ADAM7: variants seen among roughly 807,000 people sequenced by gnomAD.
ADAM7 encodes the protein ADAM metallopeptidase domain 7.
ADAM7 carries 97 observed loss-of-function variants against 102.9 expected under a neutral mutation model. The ratio of observed to expected loss-of-function variants is 0.94; its 90% CI spans 0.80 to 1.12. ADAM7 has a LOEUF of 1.12. ADAM7 is among the 50% of genes most tolerant of loss of function. ADAM7 has a pLI of 0.00. For missense variants in ADAM7, 991 were observed against 908.7 expected (o/e 1.09, Z -1.16); for synonymous variants, 334 against 304.4 (o/e 1.10, Z -1.01).
At chr8:24,504,747 C>G (rs184688952) in intron 20 of ADAM7, among the ~76,000 whole-genome samples, 5 of 151,868 alleles carry the variant, frequency 3.3e-5, no homozygotes, top group Admixed American at 6.6e-5. Flanking sequence ...CACAATATTG[C>G]AGAGCATACC....
intron 3 of ADAM7, among the ~76,000 whole-genome samples, chr8:24,451,140 G>C (rs1202408165): frequency 4.0e-5 from 6 of 151,778 alleles, no homozygotes; most frequent in Middle Eastern, 3.4e-3. Flanking sequence ...GCCAGGCTTT[G>C]GTATCAGAAT....
In ADAM7 at chr8:24,508,991, GTT is replaced by G; in HGVS notation, c.*447_*448del. ...CATGACATCATTAGCACTAATTCTG[GTT>G]TAAATGAAAGTCCTGCAGAAATGCC... On this transcript the variant is annotated 3_prime_UTR_variant, in exon 22 of 22. Coordinates refer to ENST00000175238, the MANE Select transcript of ADAM7 (RefSeq NM_003817.4). The G allele has an allele frequency of 1.0e-6, 1 of 994,478 alleles. No homozygotes were observed. Among genetic ancestry groups the G allele is most frequent in the Admixed American group, 5.9e-5 (1 of 16,994 alleles). The allele number at this position is 994,478 out of a possible 1,614,324, so 61.6% of individuals were successfully genotyped here.
chr8:24,442,056 C>T (rs1258909447), intron 1 of ADAM7, among the ~76,000 whole-genome samples: 1 of 152,150 alleles, frequency 6.6e-6, no homozygotes, highest in Non-Finnish European at 1.5e-5. Context: ...CACTTGTAAT[C>T]CCAGCTACTT....
intron 7 of ADAM7, among the ~76,000 whole-genome samples, chr8:24,474,313 T>A (rs1165412695): frequency 6.6e-6 from 1 of 152,168 alleles, no homozygotes; most frequent in Non-Finnish European, 1.5e-5. Flanking sequence ...GACACTTTGC[T>A]CTTAATAATA....
Position 24,482,318 on chromosome 8 carries a change from G to A in ADAM7, c.875+7G>A. 1 of 1,600,622 alleles carries A rather than the reference G, an allele frequency of 6.2e-7. No individual in the cohort carries two copies. The highest frequency in any genetic ancestry group is 8.5e-7 in the Non-Finnish European group (1 of 1,176,140). ...ATCATGTTGTATTACTCAGGTTGGT[G>A]ATTGCTCTATTTTCTTGCATACCTT... On this transcript the variant is annotated splice_region_variant and intron_variant, in intron 9 of 21. Coordinates refer to ENST00000175238, the MANE Select transcript of ADAM7 (RefSeq NM_003817.4).
In ADAM7 at chr8:24,505,956, T is replaced by C. The variant is rs953077786; in HGVS notation, c.2209-1524T>C. 6 of 649,388 alleles carry C rather than the reference T, an allele frequency of 9.2e-6. No individual in the cohort carries two copies. In the South Asian group the frequency reaches 1.2e-4, roughly 13 times the overall value. 40.2% of individuals were successfully genotyped at this position (649,388 alleles called of 1,614,324 possible). A position where few individuals can be genotyped will look rare whatever the true frequency, so the allele number is the denominator to read the frequency against. On this transcript the variant is annotated intron_variant, in intron 20 of 21. Coordinates refer to ENST00000175238, the MANE Select transcript of ADAM7 (RefSeq NM_003817.4). ...AATTCCCACTCTTCTCATATGTAAA[T>C]TTGTCTTATAGACAGGCCCTGAGAT...
intron 9 of ADAM7, 140 bp from the exon 10 acceptor site, chr8:24,485,137 C>T: frequency 1.4e-6 from 1 of 740,694 alleles, no homozygotes; most frequent in Non-Finnish European, 2.3e-6. Context: ...TAAGGTCAGC[C>T]TCAATTCCAA....
intron 8 of ADAM7, among the ~76,000 whole-genome samples, chr8:24,479,294 G>A (rs1819870712): frequency 6.6e-6 from 1 of 152,106 alleles, no homozygotes; most frequent in Non-Finnish European, 1.5e-5. Flanking sequence ...CCTCTCCATT[G>A]GTAGGAGATC....
At position 24,451,244 on chromosome 8, in the gene ADAM7, C is replaced by A. The variant is rs1246481353; in HGVS notation, c.233+3982C>A. On this transcript the variant is annotated intron_variant, in intron 3 of 21. Transcript: ENST00000175238. ...GGAATGGTACCAGTTCCTCCTTGTA[C>A]CTCTGGTAGAATTCGGCTGTGAATC... Among the ~76,000 whole-genome samples, 6 of 151,916 alleles carry A rather than the reference C, an allele frequency of 3.9e-5. No homozygotes were observed. In the South Asian group the frequency reaches 1.2e-3, roughly 32 times the overall value.
At chr8:24,506,130 T>A in intron 20 of ADAM7, 1 of 1,550,194 alleles carries the variant, frequency 6.5e-7, no homozygotes, top group Non-Finnish European at 8.7e-7. Flanking sequence ...GCCCACTAGT[T>A]TTTCAAGTCC....
At chr8:24,476,948 A>G (rs1029700517) in intron 8 of ADAM7, among the ~76,000 whole-genome samples, 2 of 152,216 alleles carry the variant, frequency 1.3e-5, no homozygotes, top group African/African-American at 2.4e-5. Flanking sequence ...AATGAGGTAT[A>G]TAACCCTTTA....
chr8:24,443,180 G>A (rs1430537060), intron 2 of ADAM7, among the ~76,000 whole-genome samples: 1 of 152,034 alleles, frequency 6.6e-6, no homozygotes, highest in African/African-American at 2.4e-5. Context: ...TTATCATTAG[G>A]CACTTGATTT....
At chr8:24,505,894 G>T (rs1260681743) in intron 20 of ADAM7, among the ~76,000 whole-genome samples, 1 of 152,124 alleles carries the variant, frequency 6.6e-6, no homozygotes, top group African/African-American at 2.4e-5. Context: ...TTGGTGGCTA[G>T]CAGACCTGCC....
At chr8:24,499,797 TACACACACACAC>T (rs35010933) in intron 17 of ADAM7, among the ~76,000 whole-genome samples, 4,995 of 148,262 alleles carry the variant, frequency 0.034, 276 homozygotes, top group African/African-American at 0.12. Flanking sequence ...TATATAGTAA[TACACACACACAC>T]ACACACACAC....
intron 20 of ADAM7, among the ~76,000 whole-genome samples, chr8:24,507,018 A>G (rs533441524): frequency 6.6e-6 from 1 of 152,260 alleles, no homozygotes; most frequent in African/African-American, 2.4e-5. Flanking sequence ...GGTTGCAGAG[A>G]ATCCTCAGAT....
intron 15 of ADAM7, 62 bp downstream of exon 15, chr8:24,492,659 G>A: frequency 1.6e-6 from 2 of 1,241,626 alleles, no homozygotes; most frequent in Non-Finnish European, 2.3e-6. Flanking sequence ...AAATCAGAAT[G>A]GCTCCTGTCC....
chr8:24,479,615 C>T (rs1819882913), intron 8 of ADAM7, among the ~76,000 whole-genome samples: 5 of 152,054 alleles, frequency 3.3e-5, no homozygotes, highest in Admixed American at 3.3e-4. Flanking sequence ...TCCATGGAGG[C>T]CCATGGAGAT....
At chr8:24,501,606 T>G in intron 20 of ADAM7, 30 bp downstream of exon 20, 4 of 1,527,170 alleles carry the variant, frequency 2.6e-6, no homozygotes. Context: ...AACAGTTAAT[T>G]TATTGATTTT....
Position 24,465,784 on chromosome 8 carries a change from GA to G in ADAM7, c.389+11del. The G allele has an allele frequency of 6.3e-7, 1 of 1,574,860 alleles. No individual in the cohort carries two copies. The highest frequency in any genetic ancestry group is 1.2e-5 in the South Asian group (1 of 83,226). Reference sequence around the variant, plus strand: ...ACGTGTAATGGTCTAAGGTAATGCAGAATATCTTTCTTTTTCCTTTATGAGT... The same window carrying G: ...ACGTGTAATGGTCTAAGGTAATGCAGATATCTTTCTTTTTCCTTTATGAGT... On this transcript the variant is annotated intron_variant, in intron 5 of 21. Coordinates refer to ENST00000175238, the MANE Select transcript of ADAM7 (RefSeq NM_003817.4).
Sources: gnomAD v4.1 joint callset for allele counts (sites outside exome capture counted in the v4.1 genomes callset) on GRCh38, gnomAD v4.1.1 for gene constraint, MANE v1.5 for transcripts, NCBI Gene and HGNC (gene_info 2026-07-23, HGNC 2026-07-21) for gene names.